MUC17: variants seen among roughly 807,000 people sequenced by gnomAD.
MUC17 encodes the protein mucin 17, cell surface associated.
In MUC17, 190 loss-of-function variants were observed where a neutral mutation model predicts 170.3. The ratio of observed to expected loss-of-function variants is 1.12; its 90% CI spans 0.99 to 1.26. MUC17 has a LOEUF of 1.26. MUC17 is among the 50% of genes most tolerant of loss of function. The probability of loss-of-function intolerance (pLI) is 0.00; values close to 1 mark genes in which losing one functional copy is unlikely to be tolerated. For synonymous variants in MUC17, 2,325 were observed against 2,002.5 expected, an observed-to-expected ratio of 1.16 and a Z score of -4.30; for missense variants, 6,415 against 5,530.0, an observed-to-expected ratio of 1.16 and a Z score of -5.08.
Position 101,053,246 on chromosome 7 carries a change from C to G in MUC17, c.13266-93C>G, listed in dbSNP as rs546098200. On this transcript the variant is annotated intron_variant, in intron 10 of 12. Coordinates refer to ENST00000306151, the MANE Select transcript of MUC17 (RefSeq NM_001040105.2). ...ATCACTTCATAGTCTAGGTGGGCAG[C>G]GGGGGCAGCTAAAAATGGGGATACA... 4.4e-6 allele frequency: 7 copies of G among 1,576,138 alleles called. No homozygotes were observed. The African/African-American group carries it at 8.1e-5, about 18-fold the overall frequency.
rs753453369 is a variant in MUC17, at chr7:101,039,192, C to T, written c.7776C>T (p.Ser2592=). 1.2e-6 allele frequency: 2 copies of T among 1,613,626 alleles called. No individual in the cohort carries two copies. The highest frequency in any genetic ancestry group is 1.1e-5 in the South Asian group (1 of 91,010). Residue 2592 remains serine (S), a synonymous_variant, in exon 3 of 13, where the codon AGC becomes AGT. Coordinates refer to ENST00000306151, the MANE Select transcript of MUC17 (RefSeq NM_001040105.2). ...AGCCGTTGGCCAGTTCTGAGGCTAG[C>T]ACTCTTTCAACAACTCCTGTTGACA... The part of the protein sequence containing the change: ...STKPLASSEA[S]TLSTTPVDTS...
At position 101,035,226 on chromosome 7, in the gene MUC17, C is replaced by T. The variant is rs758341283; in HGVS notation, c.3810C>T (p.Thr1270=). ...CCGCTGAAGGTACCAGCTTGCCAAC[C>T]TCAACTACTAGTGAAGGAAGTACTC... is the stretch of plus-strand genomic sequence containing the variant. The part of the protein sequence containing the change: ...PTTAEGTSLP[T]STTSEGSTLL... The change falls in exon 3 of 13, where the codon ACC becomes ACT. Residue 1270 remains threonine, a synonymous_variant. Transcript: ENST00000306151. 1.9e-6 allele frequency: 3 copies of T among 1,609,614 alleles called. No individual in the cohort carries two copies. In the Admixed American group the frequency reaches 5.0e-5, roughly 27 times the overall value.
chr7:101,039,272 A>G lies in MUC17; in HGVS notation c.7856A>G (p.Lys2619Arg), dbSNP rs1285238940. The change falls in exon 3 of 13, where the codon AAA (lysine) becomes AGA (arginine). Residue 2619 changes from lysine to arginine, a missense_variant. By Grantham distance (26) the Lys-to-Arg change is conservative. Transcript: ENST00000306151. ...TETSSSPTTA[K>R]DTSMPISTPS... Reference sequence around the variant, plus strand: ...ACCAGTTCATCTCCTACAACTGCAAAAGATACCAGCATGCCAATCTCAACT... The same window carrying G: ...ACCAGTTCATCTCCTACAACTGCAAGAGATACCAGCATGCCAATCTCAACT... 5 of 1,612,708 alleles carry G rather than the reference A, an allele frequency of 3.1e-6. No individual in the cohort carries two copies. In the Admixed American group the frequency reaches 5.0e-5, roughly 16 times the overall value.
At chr7:101,028,879 C>T (rs1000175993) in intron 1 of MUC17, among the ~76,000 whole-genome samples, 1 of 147,368 alleles carries the variant, frequency 6.8e-6, no homozygotes, top group South Asian at 2.2e-4. Flanking sequence ...TACAGAGAGA[C>T]ACTGTCTCTT....
rs574891831 is a variant in MUC17, at chr7:101,039,733, A to G, written c.8317A>G (p.Thr2773Ala). 7 of 1,610,626 alleles carry G rather than the reference A, an allele frequency of 4.3e-6. No homozygotes were observed. In the South Asian group the frequency reaches 7.7e-5, roughly 18 times the overall value. ...CAGTTCTGAGGCTAGCACCGTTTCA[A>G]CAACTGCTGTTGACACCAGCATACC... is the stretch of plus-strand genomic sequence containing the variant. ...VASSEASTVS[T>A]TAVDTSIPVT... Residue 2773 changes from threonine (T) to alanine (A), a missense_variant, in exon 3 of 13, where the codon ACA (threonine) becomes GCA (alanine). Physicochemically the swap from Thr to Ala is moderately conservative, Grantham distance 58. Coordinates refer to ENST00000306151, the MANE Select transcript of MUC17 (RefSeq NM_001040105.2).
At chr7:101,026,652 A>C (rs189636597) in intron 1 of MUC17, among the ~76,000 whole-genome samples, 218 of 152,250 alleles carry the variant, frequency 1.4e-3, no homozygotes, top group African/African-American at 4.9e-3. Context: ...TGGTGCCATC[A>C]TAGCTCACTG....
rs545063232 is a variant in MUC17, at chr7:101,051,797, C to G, written c.12944-6C>G. ...GGCTGTTCCCTGTCCCTGCACCCCC[C>G]ACCAGAGGACTGCCGGAAGATGGCC... On this transcript the variant is annotated splice_polypyrimidine_tract_variant and splice_region_variant and intron_variant, in intron 8 of 12. Transcript: ENST00000306151. 14 of 1,612,772 alleles carry G rather than the reference C, an allele frequency of 8.7e-6. 1 individual carries two copies. In the South Asian group the frequency reaches 8.8e-5, roughly 10 times the overall value.
At position 101,033,879 on chromosome 7, in the gene MUC17, T is replaced by G; in HGVS notation, c.2463T>G (p.Pro821=). The stretch of plus-strand genomic sequence containing the variant: ...TCAGCATCACACCGGTGACCAGTCC[T>G]GAGGCTAGCACCCTTTCAACAACTC... ...IPVSITPVTS[P]EASTLSTTPV... The change falls in exon 3 of 13, where the codon CCT becomes CCG. Residue 821 remains proline (P), a synonymous_variant. Coordinates refer to ENST00000306151, the MANE Select transcript of MUC17 (RefSeq NM_001040105.2). The G allele has an allele frequency of 6.2e-7, 1 of 1,613,714 alleles. No individual in the cohort carries two copies. The highest frequency in any genetic ancestry group is 8.5e-7 in the Non-Finnish European group (1 of 1,179,804).
At chr7:101,050,782 G>A (rs1270271186) in intron 7 of MUC17, 147 bp downstream of exon 7, 76 of 1,223,178 alleles carry the variant, frequency 6.2e-5, no homozygotes, top group Non-Finnish European at 7.5e-5. Flanking sequence ...GGGTTGCAGC[G>A]CAAAGAAGCC....
chr7:101,036,412 A>C lies in MUC17; in HGVS notation c.4996A>C (p.Thr1666Pro). Reference sequence around the variant, plus strand: ...CTCCAACAGTCCTGTGATCACTTCTACTGAAGTCAGTTCATCTCCTACACC... The same window carrying C: ...CTCCAACAGTCCTGTGATCACTTCTCCTGAAGTCAGTTCATCTCCTACACC... ...VDSNSPVITS[T>P]EVSSSPTPAE... Residue 1666 changes from threonine (T) to proline (P), a missense_variant, in exon 3 of 13, where the codon ACT becomes CCT. Thr to Pro is a conservative substitution (Grantham distance 38, BLOSUM62 -1). Coordinates refer to ENST00000306151, the MANE Select transcript of MUC17 (RefSeq NM_001040105.2). The C allele has an allele frequency of 5.6e-6, 9 of 1,610,586 alleles. No homozygotes were observed. Among genetic ancestry groups the C allele is most frequent in the Non-Finnish European group, 7.6e-6 (9 of 1,178,982 alleles).
At position 101,034,814 on chromosome 7, in the gene MUC17, C is replaced by A; in HGVS notation, c.3398C>A (p.Thr1133Asn). 4 of 1,600,136 alleles carry A rather than the reference C, an allele frequency of 2.5e-6. No individual in the cohort carries two copies. The highest frequency in any genetic ancestry group is 3.4e-6 in the Non-Finnish European group (4 of 1,174,236). The part of the protein sequence containing the change: ...TTPVDTSIPV[T>N]TSTEASSSPT... ...CCTGTCGACACCAGCATACCTGTCA[C>A]CACTTCTACTGAAGCCAGTTCATCT... Residue 1133 changes from threonine (T) to asparagine (N), a missense_variant, in exon 3 of 13, where the codon ACC (threonine) becomes AAC (asparagine). Coordinates refer to ENST00000306151, the MANE Select transcript of MUC17 (RefSeq NM_001040105.2).
chr7:101,052,869 C>G, intron 9 of MUC17, 117 bp from the exon 10 acceptor site: 2 of 1,267,310 alleles, frequency 1.6e-6, no homozygotes, highest in Non-Finnish European at 2.2e-6. Context: ...GCTTTATGCC[C>G]CCTGGCAATC....
chr7:101,043,917 T>C lies in MUC17; in HGVS notation c.12403+98T>C, dbSNP rs573399550. On this transcript the variant is annotated intron_variant, in intron 3 of 12. Transcript: ENST00000306151. ...CAGGTTTGTTACCTATGTATACGTG[T>C]GCCATGTTGGTTTGCTGCACCCATT... 64 of 1,174,490 alleles carry C rather than the reference T, an allele frequency of 5.4e-5. No homozygotes were observed. The South Asian group carries it at 6.4e-4, about 12-fold the overall frequency. 72.8% of individuals were successfully genotyped at this position (1,174,490 alleles called of 1,614,324 possible).
intron 1 of MUC17, among the ~76,000 whole-genome samples, chr7:101,025,765 G>A (rs1794169112): frequency 6.7e-6 from 1 of 149,964 alleles, no homozygotes; most frequent in African/African-American, 2.5e-5. Context: ...CTGCGCTCCA[G>A]CCTGGGTGAC....
intron 3 of MUC17, among the ~76,000 whole-genome samples, chr7:101,046,896 G>A (rs1186267990): frequency 2.0e-4 from 30 of 151,858 alleles, no homozygotes; most frequent in South Asian, 2.1e-4. Context: ...TGGCTAACAC[G>A]GTGAAACATC....
In MUC17 at chr7:101,043,824, G is replaced by A. The variant is rs375811502; in HGVS notation, c.12403+5G>A. 64 of 1,578,980 alleles carry A rather than the reference G, an allele frequency of 4.1e-5. No individual in the cohort carries two copies. Among genetic ancestry groups the A allele is most frequent in the Non-Finnish European group, 5.2e-5 (61 of 1,162,368 alleles). ...CTGTGCCAAGAACCACAACATGTAA[G>A]TGATTTCTTGAATTTTCCTTTTTTT... On this transcript the variant is annotated splice_donor_5th_base_variant and intron_variant, in intron 3 of 12. Transcript: ENST00000306151.
rs201815636 is a variant in MUC17 at position 101,037,670 on chromosome 7, C to T, written c.6254C>T (p.Ala2085Val). ...VTNSTEASSS[A>V]TAEGSSMTIS... ...AATTCTACTGAAGCCAGTTCATCTGCAACCGCTGAAGGTAGCAGCATGACA... is the reference window on the plus strand; with the variant it reads ...AATTCTACTGAAGCCAGTTCATCTGTAACCGCTGAAGGTAGCAGCATGACA... Residue 2085 changes from alanine (A) to valine (V), a missense_variant, in exon 3 of 13, where the codon GCA becomes GTA. Ala to Val is a moderately conservative substitution (Grantham distance 64, BLOSUM62 0). Coordinates refer to ENST00000306151, the MANE Select transcript of MUC17 (RefSeq NM_001040105.2). The T allele has an allele frequency of 4.6e-5, 74 of 1,613,424 alleles. No individual in the cohort carries two copies. In the African/African-American group the frequency reaches 7.5e-4, roughly 16 times the overall value.
chr7:101,025,954 G>T (rs941433929), intron 1 of MUC17, among the ~76,000 whole-genome samples: 2 of 151,980 alleles, frequency 1.3e-5, no homozygotes, highest in Non-Finnish European at 2.9e-5. Flanking sequence ...TCTCAAAAAA[G>T]AAAGAAAGAA....
In MUC17 at chr7:101,043,598, C is replaced by T; in HGVS notation, c.12182C>T (p.Thr4061Ile). The T allele has an allele frequency of 1.2e-6, 2 of 1,614,190 alleles. No homozygotes were observed. The highest frequency in any genetic ancestry group is 8.5e-7 in the Non-Finnish European group (1 of 1,180,034). Reference sequence around the variant, plus strand: ...AGGCCGTCAACAATTACTTCTCACACCATCCCACCTACATTTCCTCCTGCT... The same window carrying T: ...AGGCCGTCAACAATTACTTCTCACATCATCCCACCTACATTTCCTCCTGCT... ...SSRPSTITSH[T>I]IPPTFPPAHS... Residue 4061 changes from threonine (T) to isoleucine (I), a missense_variant, in exon 3 of 13, where the codon ACC (threonine) becomes ATC (isoleucine). By Grantham distance (89) the Thr-to-Ile change is moderately conservative (BLOSUM62 -1). Transcript: ENST00000306151.
Sources: allele counts gnomAD v4.1 joint callset (sites outside exome capture counted in the v4.1 genomes callset), GRCh38; gene constraint gnomAD v4.1.1; transcripts MANE v1.5; gene names NCBI Gene and HGNC (gene_info 2026-07-23, HGNC 2026-07-21).